GATM: variants seen among roughly 807,000 people sequenced by gnomAD.
GATM encodes the protein glycine amidinotransferase.
GATM carries 23 observed loss-of-function variants against 54.2 expected under a neutral mutation model. The observed-to-expected ratio is 0.42, with a 90% CI of 0.31 to 0.60. The LOEUF (loss-of-function observed/expected upper bound fraction) is 0.60, where lower values mean the gene tolerates loss of function less well. Among genes scored for constraint, GATM ranks in the 20% least tolerant of loss-of-function variants. The probability of loss-of-function intolerance (pLI) is 0.14; values close to 1 mark genes in which losing one functional copy is unlikely to be tolerated. For synonymous variants in GATM, 168 were observed against 183.1 expected, an observed-to-expected ratio of 0.92 and a Z score of 0.67; for missense variants, 401 against 544.9, an observed-to-expected ratio of 0.74 and a Z score of 2.63.
intron 3 of GATM, among the ~76,000 whole-genome samples, chr15:45,387,532 A>G (rs1009220414): frequency 6.6e-6 from 1 of 152,120 alleles, no homozygotes; most frequent in South Asian, 2.1e-4. Context: ...ACACCTTGTT[A>G]ATACTTTTTT....
chr15:45,378,555 G>T, upstream of GATM: 1 of 920,520 alleles, frequency 1.1e-6, no homozygotes, highest in Non-Finnish European at 1.5e-6. Flanking sequence ...GGGCGGGCGC[G>T]CGGGGCCCGA....
chr15:45,395,848 G>C (rs933631419), intron 3 of GATM, among the ~76,000 whole-genome samples: 1 of 151,518 alleles, frequency 6.6e-6, no homozygotes. Context: ...GGTACAGAAT[G>C]AATAAAAAAA....
chr15:45,391,250 C>A (rs376997128), intron 3 of GATM, among the ~76,000 whole-genome samples: 633 of 116,684 alleles, frequency 5.4e-3, no homozygotes, highest in East Asian at 7.9e-3. Context: ...ACTAAAAATA[C>A]AAAAAAAAAA....
chr15:45,368,150 T>C lies in GATM; in HGVS notation c.595A>G (p.Ile199Val), dbSNP rs1595483270. 6.2e-7 allele frequency: 1 copy of C among 1,614,100 alleles called. No homozygotes were observed. Among genetic ancestry groups the C allele is most frequent in the Non-Finnish European group, 8.5e-7 (1 of 1,180,004 alleles). The change falls in exon 4 of 9, where the codon ATT becomes GTT. Residue 199 changes from isoleucine (I) to valine (V), a missense_variant. Coordinates refer to ENST00000396659, the MANE Select transcript of GATM (RefSeq NM_001482.3). The surrounding 1 kb of genome is among the most constrained non-coding windows in gnomAD (Gnocchi z 5.1). ...CCACGGTGGAAGTAGTCTTTGATAA[T>C]TGACCTGTACGCTCGGTACTCAAAG... ...RFFEYRAYRS[I>V]IKDYFHRGAK...
intron 7 of GATM, chr15:45,364,444 A>T (rs887713744): frequency 3.3e-6 from 1 of 305,280 alleles, no homozygotes; most frequent in African/African-American, 2.2e-5. Context: ...TGGAGTGGAA[A>T]GATCACTTGA....
At chr15:45,389,655 G>T (rs1889845678) in intron 3 of GATM, among the ~76,000 whole-genome samples, 1 of 152,062 alleles carries the variant, frequency 6.6e-6, no homozygotes. Context: ...TGTTGCTCAG[G>T]CTGACTTCTT....
intron 2 of GATM, among the ~76,000 whole-genome samples, chr15:45,374,157 T>C (rs1889589605): frequency 6.6e-6 from 1 of 152,232 alleles, no homozygotes; most frequent in African/African-American, 2.4e-5. Flanking sequence ...ATTTGTGGAA[T>C]CTTGTACAAG....
intron 2 of GATM, chr15:45,397,262 T>C (rs1349627941): frequency 1.3e-5 from 2 of 151,994 alleles, no homozygotes; most frequent in Non-Finnish European, 2.9e-5. Context: ...TCCTGAGTGA[T>C]AGGAGCAGTC....
At chr15:45,377,764 C>T (rs1265655733) in intron 1 of GATM, 1 of 156,292 alleles carries the variant, frequency 6.4e-6, no homozygotes, top group Non-Finnish European at 1.4e-5. Context: ...GGTCTGCTGC[C>T]AGGGCAGCCG....
intron 2 of GATM, among the ~76,000 whole-genome samples, chr15:45,370,193 T>C (rs1889516839): frequency 6.6e-6 from 1 of 151,988 alleles, no homozygotes; most frequent in Non-Finnish European, 1.5e-5. Flanking sequence ...CTGGCCAACA[T>C]GGGGAAACCC....
intron 8 of GATM, chr15:45,363,522 T>A (rs1889399779): frequency 3.3e-6 from 1 of 299,202 alleles, no homozygotes; most frequent in Non-Finnish European, 6.2e-6. Flanking sequence ...TTGAGTCCTT[T>A]GAAATATGTG....
chr15:45,382,195 G>C (rs931485813), upstream of GATM, among the ~76,000 whole-genome samples: 5 of 152,098 alleles, frequency 3.3e-5, no homozygotes, highest in African/African-American at 9.7e-5. Context: ...ATCTATTGAG[G>C]ACAAGAATAA....
At chr15:45,385,951 C>T (rs1167047749) in intron 3 of GATM, among the ~76,000 whole-genome samples, 1 of 152,170 alleles carries the variant, frequency 6.6e-6, no homozygotes. Context: ...TGTTCCTTGT[C>T]TAAAAAAGTA....
intron 2 of GATM, among the ~76,000 whole-genome samples, chr15:45,370,807 G>A (rs1889530429): frequency 6.6e-6 from 1 of 152,212 alleles, no homozygotes; most frequent in Admixed American, 6.5e-5. Flanking sequence ...GTCTCACTCT[G>A]TTGCCCAGAC....
intron 3 of GATM, among the ~76,000 whole-genome samples, chr15:45,387,700 C>T (rs550442737): frequency 1.3e-5 from 2 of 152,234 alleles, no homozygotes; most frequent in African/African-American, 4.8e-5. Flanking sequence ...TATTTTTTCC[C>T]TTGGAATTTG....
intron 3 of GATM, 63 bp downstream of exon 3, chr15:45,369,263 T>C: frequency 6.8e-7 from 1 of 1,465,900 alleles, no homozygotes; most frequent in Non-Finnish European, 9.6e-7. Flanking sequence ...GCTTTCCCCT[T>C]ACACATTAAG....
upstream of GATM, among the ~76,000 whole-genome samples, chr15:45,382,153 A>G (rs2045156207): frequency 6.6e-6 from 1 of 152,236 alleles, no homozygotes; most frequent in African/African-American, 2.4e-5. Flanking sequence ...CTAAGGATGG[A>G]ATCAGAATAT....
At chr15:45,364,073 G>T (rs1026239404) in intron 7 of GATM, 57 bp from the exon 8 acceptor site, 3 of 972,756 alleles carry the variant, frequency 3.1e-6, no homozygotes, top group African/African-American at 3.2e-5. Flanking sequence ...TTAAAGCAAG[G>T]ATTTACAAGT....
intron 3 of GATM, among the ~76,000 whole-genome samples, chr15:45,388,255 T>G (rs79925867): frequency 5.6e-4 from 85 of 152,332 alleles, no homozygotes; most frequent in African/African-American, 2.0e-3. Flanking sequence ...TTCATGAGTT[T>G]GTGGGAAATT....
Sources: allele counts gnomAD v4.1 joint callset (sites outside exome capture counted in the v4.1 genomes callset), GRCh38; gene constraint gnomAD v4.1.1; non-coding constraint Gnocchi (gnomAD v3.1); transcripts MANE v1.5; gene names NCBI Gene and HGNC (gene_info 2026-07-23, HGNC 2026-07-21).